LPCAT2: variants seen among roughly 807,000 people sequenced by gnomAD.
LPCAT2 encodes 1-AGP acyltransferase 11.
Under a neutral mutation model 64.7 loss-of-function variants are expected in LPCAT2, and 58 were observed. That is an observed-to-expected ratio of 0.90 (90% CI 0.73 to 1.12). LPCAT2 has a LOEUF of 1.12. Among genes scored for constraint, LPCAT2 ranks in the 50% most tolerant of loss-of-function variants. The pLI is 0.00. For missense variants in LPCAT2, 579 were observed against 669.8 expected, an observed-to-expected ratio of 0.86 and a Z score of 1.50; for synonymous variants, 252 against 245.3, an observed-to-expected ratio of 1.03 and a Z score of -0.26.
intron 11 of LPCAT2, among the ~76,000 whole-genome samples, chr16:55,559,196 A>G (rs921756532): frequency 1.3e-5 from 2 of 152,290 alleles, no homozygotes; most frequent in South Asian, 4.1e-4. Context: ...GGTGATTATG[A>G]TTTCCATTCT....
At chr16:55,569,584 G>A (rs1963746866) in intron 11 of LPCAT2, among the ~76,000 whole-genome samples, 1 of 152,176 alleles carries the variant, frequency 6.6e-6, no homozygotes, top group Non-Finnish European at 1.5e-5. Flanking sequence ...TTTCATAAAA[G>A]TTAAAACAAT....
intron 8 of LPCAT2, among the ~76,000 whole-genome samples, chr16:55,545,327 GA>G (rs1465682223): frequency 7.2e-5 from 11 of 151,870 alleles, no homozygotes; most frequent in African/African-American, 1.7e-4. Context: ...AAAGAGAAAA[GA>G]AAAAAAAGTT....
chr16:55,514,188 A>T (rs1034395239), intron 1 of LPCAT2, among the ~76,000 whole-genome samples: 1 of 152,322 alleles, frequency 6.6e-6, no homozygotes, highest in Non-Finnish European at 1.5e-5. Flanking sequence ...AAAAGCTTTG[A>T]CATATTCCTA....
At chr16:55,526,242 G>A (rs1293617844) in intron 2 of LPCAT2, among the ~76,000 whole-genome samples, 1 of 152,132 alleles carries the variant, frequency 6.6e-6, no homozygotes, top group Non-Finnish European at 1.5e-5. Context: ...TGGTAATAGA[G>A]GAGAAACTGA....
intron 9 of LPCAT2, among the ~76,000 whole-genome samples, chr16:55,547,988 G>C (rs1282207048): frequency 6.6e-6 from 1 of 152,152 alleles, no homozygotes; most frequent in East Asian, 1.9e-4. Flanking sequence ...GGCTGGTCTC[G>C]AACTCCTGAC....
intron 11 of LPCAT2, among the ~76,000 whole-genome samples, chr16:55,574,389 G>C (rs1238917080): frequency 6.6e-6 from 1 of 152,134 alleles, no homozygotes; most frequent in African/African-American, 2.4e-5. Context: ...GGGTGCCATA[G>C]AGCCATGATA....
intron 10 of LPCAT2, among the ~76,000 whole-genome samples, chr16:55,549,747 G>T (rs1486657085): frequency 6.6e-6 from 1 of 152,140 alleles, no homozygotes; most frequent in Non-Finnish European, 1.5e-5. Context: ...CTGGCATGTG[G>T]TAGTCAGAAC....
intron 9 of LPCAT2, among the ~76,000 whole-genome samples, chr16:55,548,632 C>T (rs1963480380): frequency 6.6e-6 from 1 of 152,132 alleles, no homozygotes; most frequent in Admixed American, 6.5e-5. Context: ...AAGCAGTCCC[C>T]CTGTCTTAGC....
In LPCAT2 at chr16:55,572,153, G is replaced by GA. The variant is rs1308294037; in HGVS notation, c.1216-2478_1216-2477insA. Among the ~76,000 whole-genome samples, 94 of 152,258 alleles carry GA rather than the reference G, an allele frequency of 6.2e-4. 1 individual carries two copies. Among genetic ancestry groups the GA allele is most frequent in the African/African-American group, 2.2e-3 (90 of 41,560 alleles). On this transcript the variant is annotated intron_variant, in intron 11 of 13. Coordinates refer to ENST00000262134, the MANE Select transcript of LPCAT2 (RefSeq NM_017839.5). ...GTTAATGAAATTAGGGGTCCAGAAT[G>GA]TTACCTTGTTCTGTGACTAGTGGTA...
chr16:55,542,626 A>G (rs16955373), intron 8 of LPCAT2, among the ~76,000 whole-genome samples: 3,157 of 152,178 alleles, frequency 0.021, 105 homozygotes, highest in African/African-American at 0.069. Flanking sequence ...ATTCTAAGTA[A>G]CAGGTCATAC....
chr16:55,578,875 A>G (rs1437421395), intron 12 of LPCAT2: 2 of 391,406 alleles, frequency 5.1e-6, no homozygotes, highest in Non-Finnish European at 9.1e-6. Context: ...CCCCATGGAG[A>G]TCCCCTGTCC....
chr16:55,568,149 A>AG (rs34825282), intron 11 of LPCAT2, among the ~76,000 whole-genome samples: 2 of 5,798 alleles, frequency 3.4e-4, no homozygotes, highest in Non-Finnish European at 2.7e-3. Flanking sequence ...TTTCTTTAGT[A>AG]AAAAAAAGCA....
chr16:55,531,993 T>C lies in LPCAT2; in HGVS notation c.703+19T>C. 1.4e-6 allele frequency: 2 copies of C among 1,416,168 alleles called. No individual in the cohort carries two copies. The highest frequency in any genetic ancestry group is 2.3e-5 in the South Asian group (2 of 86,418). 87.7% of individuals were successfully genotyped at this position (1,416,168 alleles called of 1,614,324 possible). A position where few individuals can be genotyped will look rare whatever the true frequency, so the allele number is the denominator to read the frequency against. On this transcript the variant is annotated intron_variant, in intron 5 of 13. Transcript: ENST00000262134. ...AAACCAGGTGAGAAAAATTAAATTA[T>C]GTATTCTAACAAAGTAATATGTGAG...
chr16:55,526,427 A>G (rs1169861180), intron 2 of LPCAT2, among the ~76,000 whole-genome samples: 1 of 152,160 alleles, frequency 6.6e-6, no homozygotes, highest in African/African-American at 2.4e-5. Context: ...ATTGTTGCCA[A>G]ATTTTTATAT....
intron 11 of LPCAT2, among the ~76,000 whole-genome samples, chr16:55,564,469 A>T (rs575114639): frequency 1.1e-4 from 16 of 152,112 alleles, no homozygotes; most frequent in Non-Finnish European, 2.2e-4. Context: ...CAGTAATCAA[A>T]ACAGTGCAGC....
intron 13 of LPCAT2, 134 bp from the exon 14 acceptor site, chr16:55,582,780 T>C: frequency 1.6e-6 from 1 of 618,054 alleles, no homozygotes; most frequent in Non-Finnish European, 2.8e-6. Flanking sequence ...ACAACTTATA[T>C]TTTCATCAGC....
intron 11 of LPCAT2, among the ~76,000 whole-genome samples, chr16:55,566,504 A>C (rs377306289): frequency 1.3e-5 from 2 of 152,310 alleles, no homozygotes; most frequent in South Asian, 4.1e-4. Flanking sequence ...GGTGTCCTAC[A>C]TACTATAATT....
At chr16:55,542,177 A>C (rs1158055529) in intron 8 of LPCAT2, 1 of 256,210 alleles carries the variant, frequency 3.9e-6, no homozygotes, top group African/African-American at 2.3e-5. Flanking sequence ...TAGGCTGAAG[A>C]ATTTTATATA....
intron 11 of LPCAT2, among the ~76,000 whole-genome samples, chr16:55,551,866 T>G (rs1252612440): frequency 6.6e-6 from 1 of 152,152 alleles, no homozygotes; most frequent in African/African-American, 2.4e-5. Context: ...GGAAGATCAC[T>G]TGAGCCCAGG....
Sources: gnomAD v4.1 joint callset for allele counts (sites outside exome capture counted in the v4.1 genomes callset) on GRCh38, gnomAD v4.1.1 for gene constraint, MANE v1.5 for transcripts, NCBI Gene and HGNC (gene_info 2026-07-23, HGNC 2026-07-21) for gene names.